Variants in EPHA3 observed in about 807,000 individuals in gnomAD.
The protein encoded by EPHA3 is EPH receptor A3.
A neutral mutation model predicts 107.1 loss-of-function variants in EPHA3; 42 were observed. The observed-to-expected ratio is 0.39, with a 90% CI of 0.31 to 0.51. The LOEUF (loss-of-function observed/expected upper bound fraction) is 0.51. EPHA3 is among the 20% of genes least tolerant of loss of function. The pLI, the probability that EPHA3 is intolerant of heterozygous loss-of-function variation, is 0.78. For missense variants in EPHA3, 1,183 were observed against 1,211.2 expected (o/e 0.98, Z 0.35); for synonymous variants, 461 against 424.8 (o/e 1.09, Z -1.05).
intron 5 of EPHA3, among the ~76,000 whole-genome samples, chr3:89,368,136 A>G (rs1343474295): frequency 1.3e-5 from 2 of 150,370 alleles, no homozygotes; most frequent in Non-Finnish European, 3.0e-5. Context: ...GTGGTTTCAT[A>G]TAATTAGATC....
At chr3:89,227,473 G>A (rs1704528042) in intron 3 of EPHA3, among the ~76,000 whole-genome samples, 2 of 151,894 alleles carry the variant, frequency 1.3e-5, no homozygotes, top group Non-Finnish European at 2.9e-5. Flanking sequence ...ATATTAAATC[G>A]AAGTAAAGAA....
chr3:89,400,761 G>A (rs1248698353), intron 7 of EPHA3, among the ~76,000 whole-genome samples: 1 of 152,030 alleles, frequency 6.6e-6, no homozygotes, highest in Non-Finnish European at 1.5e-5. Flanking sequence ...CTTTCTTACA[G>A]GGCACAAACC....
intron 5 of EPHA3, among the ~76,000 whole-genome samples, chr3:89,381,273 A>C (rs1169680069): frequency 1.3e-5 from 2 of 151,336 alleles, no homozygotes; most frequent in African/African-American, 2.4e-5. Context: ...CGCCCGGCCT[A>C]TAGGCTGGTT....
In EPHA3 at chr3:89,230,822, TCTCA is replaced by T. The variant is rs1559611153; in HGVS notation, c.814+20304_814+20307del. ...CTCTCTCTCCCTCTCTCTCTCTCTC[TCTCA>T]CACACACACACACACACACACACAC... On this transcript the variant is annotated intron_variant, in intron 3 of 16. Coordinates refer to ENST00000336596, the MANE Select transcript of EPHA3 (RefSeq NM_005233.6). Among the ~76,000 whole-genome samples, 126 of 144,116 alleles carry T rather than the reference TCTCA, an allele frequency of 8.7e-4. 1 individual carries two copies. The highest frequency in any genetic ancestry group is 3.1e-3 in the African/African-American group (113 of 35,896). 94.5% of individuals were successfully genotyped at this position (144,116 alleles called of 152,430 possible).
chr3:89,414,339 A>G (rs1281484111), intron 10 of EPHA3, among the ~76,000 whole-genome samples: 1 of 151,744 alleles, frequency 6.6e-6, no homozygotes, highest in African/African-American at 2.4e-5. Flanking sequence ...TGCAGGTAAT[A>G]TTAAAATATG....
At chr3:89,476,197 A>C in intron 16 of EPHA3, among the ~76,000 whole-genome samples, 1 of 147,704 alleles carries the variant, frequency 6.8e-6, no homozygotes, top group East Asian at 1.9e-4. Flanking sequence ...ATGTATATAT[A>C]TATAAACATG....
chr3:89,387,847 A>C (rs192002957), intron 5 of EPHA3, among the ~76,000 whole-genome samples: 55 of 152,252 alleles, frequency 3.6e-4, no homozygotes, highest in Non-Finnish European at 2.4e-4. Context: ...CGCTGAGAAA[A>C]GGATAAGATT....
intron 3 of EPHA3, among the ~76,000 whole-genome samples, chr3:89,226,891 T>C (rs1315818738): frequency 6.6e-6 from 1 of 152,084 alleles, no homozygotes; most frequent in Non-Finnish European, 1.5e-5. Context: ...AAATCCTTCA[T>C]ATACATTCCA....
At chr3:89,319,870 T>A (rs1317615579) in intron 3 of EPHA3, among the ~76,000 whole-genome samples, 1 of 151,996 alleles carries the variant, frequency 6.6e-6, no homozygotes, top group Non-Finnish European at 1.5e-5. Context: ...TTTCTATAAC[T>A]AATCTGGAAA....
chr3:89,341,840 A>G lies in EPHA3; in HGVS notation c.1056A>G (p.Gly352=), dbSNP rs2107419629. ...ILDWSWPLDT[G]GRKDVTFNII... is the part of the protein sequence containing the mutation. ...ACTGGAGTTGGCCCCTGGACACAGG[A>G]GGCCGGAAAGATGTTACCTTCAACA... The change falls in exon 5 of 17, where the codon GGA becomes GGG. Residue 352 remains glycine, a synonymous_variant. Transcript: ENST00000336596. The G allele has an allele frequency of 6.2e-7, 1 of 1,613,816 alleles. No homozygotes were observed. The highest frequency in any genetic ancestry group is 1.6e-4 in the Middle Eastern group (1 of 6,062).
chr3:89,349,951 C>G (rs1707769079), intron 5 of EPHA3, among the ~76,000 whole-genome samples: 1 of 149,452 alleles, frequency 6.7e-6, no homozygotes, highest in Non-Finnish European at 1.5e-5. Context: ...GGCCCCCACT[C>G]TCTTCTGGCT....
At chr3:89,163,224 G>A (rs1704988986) in intron 2 of EPHA3, among the ~76,000 whole-genome samples, 1 of 152,110 alleles carries the variant, frequency 6.6e-6, no homozygotes, top group South Asian at 2.1e-4. Context: ...ATAGTGTACA[G>A]ATTAGAGGTT....
chr3:89,197,893 T>A (rs1234512657), intron 2 of EPHA3, among the ~76,000 whole-genome samples: 1 of 152,038 alleles, frequency 6.6e-6, no homozygotes, highest in Non-Finnish European at 1.5e-5. Context: ...GGAGAATCGC[T>A]TGAACCTGGG....
intron 3 of EPHA3, among the ~76,000 whole-genome samples, chr3:89,326,832 C>A (rs1377017231): frequency 1.3e-5 from 2 of 151,910 alleles, no homozygotes; most frequent in Non-Finnish European, 2.9e-5. Context: ...ATTTGTCCAT[C>A]CTCTTTCTGT....
At chr3:89,296,324 C>A (rs1458855426) in intron 3 of EPHA3, among the ~76,000 whole-genome samples, 1 of 152,102 alleles carries the variant, frequency 6.6e-6, no homozygotes, top group Non-Finnish European at 1.5e-5. Context: ...ATTTCTTAGA[C>A]AATAAGACAG....
intron 3 of EPHA3, among the ~76,000 whole-genome samples, chr3:89,221,588 C>T (rs6551408): frequency 0.97 from 147,499 of 152,296 alleles, 71,455 homozygotes; most frequent in African/African-American, 0.99. Context: ...ATACGAAAAG[C>T]CATACATACA....
intron 16 of EPHA3, among the ~76,000 whole-genome samples, chr3:89,472,899 T>C (rs1710436116): frequency 6.6e-6 from 1 of 152,112 alleles, no homozygotes; most frequent in African/African-American, 2.4e-5. Context: ...TTCACACCCA[T>C]AACCACACTG....
intron 3 of EPHA3, among the ~76,000 whole-genome samples, chr3:89,249,648 A>T (rs568243088): frequency 1.3e-5 from 2 of 151,982 alleles, no homozygotes; most frequent in South Asian, 4.2e-4. Context: ...TTTTGTAGAG[A>T]CGAGGTTTCA....
chr3:89,286,362 C>A (rs1706083534), intron 3 of EPHA3, among the ~76,000 whole-genome samples: 1 of 151,726 alleles, frequency 6.6e-6, no homozygotes, highest in Admixed American at 6.6e-5. Flanking sequence ...GCCGTTGTAG[C>A]CTTTGAACTG....
Sources: gnomAD v4.1 joint callset for allele counts (sites outside exome capture counted in the v4.1 genomes callset) on GRCh38, gnomAD v4.1.1 for gene constraint, MANE v1.5 for transcripts, NCBI Gene and HGNC (gene_info 2026-07-23, HGNC 2026-07-21) for gene names.